Variants in EHBP1 observed in about 807,000 individuals in gnomAD.
The protein encoded by EHBP1 is EH domain binding protein 1, also known as EH domain-binding protein 1.
EHBP1 carries 55 observed loss-of-function variants against 144.0 expected under a neutral mutation model. That is an observed-to-expected ratio of 0.38 (90% CI 0.31 to 0.48). The LOEUF (loss-of-function observed/expected upper bound fraction) is 0.48, where lower values mean the gene tolerates loss of function less well. EHBP1 is among the 20% of genes least tolerant of loss of function. EHBP1 has a pLI of 0.98. For synonymous variants in EHBP1, 469 were observed against 472.7 expected (o/e 0.99, Z 0.10); for missense variants, 1,200 against 1,364.2 (o/e 0.88, Z 1.90).
chr2:62,958,888 C>A (rs1390433302), intron 14 of EHBP1, among the ~76,000 whole-genome samples: 2 of 152,090 alleles, frequency 1.3e-5, no homozygotes, highest in African/African-American at 4.8e-5. Flanking sequence ...ATTTTTTAAA[C>A]ATTTTATTGT....
chr2:62,790,243 A>G (rs550354307), intron 5 of EHBP1, among the ~76,000 whole-genome samples: 1 of 152,316 alleles, frequency 6.6e-6, no homozygotes, highest in African/African-American at 2.4e-5. Context: ...TCAGGTTGCT[A>G]AAAACGTCAA....
intron 2 of EHBP1, among the ~76,000 whole-genome samples, chr2:62,716,709 T>C (rs1437276369): frequency 6.6e-6 from 1 of 152,234 alleles, no homozygotes; most frequent in Admixed American, 6.5e-5. Context: ...CAGCCATCTT[T>C]ATTCCTGCGA....
chr2:62,731,787 A>G (rs537416091), intron 2 of EHBP1, among the ~76,000 whole-genome samples: 6 of 152,306 alleles, frequency 3.9e-5, no homozygotes, highest in East Asian at 1.9e-4. Context: ...ATCATGTTGT[A>G]TAATTCTTTT....
chr2:63,001,842 T>G (rs2059863614), intron 19 of EHBP1, among the ~76,000 whole-genome samples: 1 of 152,136 alleles, frequency 6.6e-6, no homozygotes, highest in Non-Finnish European at 1.5e-5. Flanking sequence ...TTCTTAGAGG[T>G]GAACTTCTGA....
chr2:62,818,904 T>G (rs1022110), intron 5 of EHBP1, among the ~76,000 whole-genome samples: 46,180 of 152,140 alleles, frequency 0.3, 7,946 homozygotes, highest in Middle Eastern at 0.49. Flanking sequence ...TATTGTACTT[T>G]AGTAAATTTG....
chr2:62,743,683 G>C (rs1451954802), intron 2 of EHBP1, among the ~76,000 whole-genome samples: 1 of 152,104 alleles, frequency 6.6e-6, no homozygotes, highest in Non-Finnish European at 1.5e-5. Context: ...AAAGAGTAAA[G>C]GAGTTAAAAT....
chr2:62,678,253 C>T (rs973258645), intron 1 of EHBP1, among the ~76,000 whole-genome samples: 2 of 152,174 alleles, frequency 1.3e-5, no homozygotes, highest in African/African-American at 4.8e-5. Context: ...AAAATTTTTT[C>T]ATATACCTGT....
Position 62,859,075 on chromosome 2 carries a change from A to C in EHBP1, c.635-94A>C, listed in dbSNP as rs1469872685. The C allele has an allele frequency of 3.3e-6, 4 of 1,218,692 alleles. No homozygotes were observed. The African/African-American group carries it at 6.0e-5, about 18-fold the overall frequency. The allele number at this position is 1,218,692 out of a possible 1,614,324, so 75.5% of individuals were successfully genotyped here. ...CTATATACTATTATTTGCAGGTATT[A>C]TTCGTGTGAACTTTTACCATTTGAA... On this transcript the variant is annotated intron_variant, in intron 7 of 22. Coordinates refer to ENST00000431489, the MANE Select transcript of EHBP1 (RefSeq NM_001142616.3).
chr2:63,030,645 A>G (rs962501923), intron 19 of EHBP1, among the ~76,000 whole-genome samples: 15 of 148,340 alleles, frequency 1.0e-4, no homozygotes, highest in East Asian at 2.0e-4. Context: ...CCACCACCAC[A>G]CCCAGCTAAT....
intron 19 of EHBP1, among the ~76,000 whole-genome samples, chr2:63,019,064 A>C (rs1425381020): frequency 6.6e-6 from 1 of 152,180 alleles, no homozygotes; most frequent in Non-Finnish European, 1.5e-5. Flanking sequence ...AATCTCAGTG[A>C]CTTCTTTGTG....
At chr2:62,857,934 A>G (rs1376961619) in intron 7 of EHBP1, among the ~76,000 whole-genome samples, 4 of 152,064 alleles carry the variant, frequency 2.6e-5, no homozygotes, top group Admixed American at 2.0e-4. Context: ...TTAAAATGCA[A>G]CATGAATACA....
rs57403564 is a variant in EHBP1, at chr2:62,894,927, AAGAG to A, written c.1185+20421_1185+20424del. ...CAAGACCCTAGCAAAAACAGAAAGA[AAGAG>A]AGAGAGAGAGAGAGAGAGAGAGAGA... is the stretch of plus-strand genomic sequence containing the variant. On this transcript the variant is annotated intron_variant, in intron 10 of 22. Transcript: ENST00000431489. Among the ~76,000 whole-genome samples the A allele has an allele frequency of 3.4e-3, 481 of 141,218 alleles. 8 individuals carry two copies. The highest frequency in any genetic ancestry group is 0.024 in the Admixed American group (344 of 14,044). 92.6% of individuals were successfully genotyped at this position (141,218 alleles called of 152,430 possible). A position where few individuals can be genotyped will look rare whatever the true frequency, so the allele number is the denominator to read the frequency against.
At chr2:62,806,742 G>GT (rs1214393481) in intron 5 of EHBP1, among the ~76,000 whole-genome samples, 2 of 150,686 alleles carry the variant, frequency 1.3e-5, no homozygotes, top group Non-Finnish European at 3.0e-5. Context: ...TTTAATTTTA[G>GT]TTTTTTTAGT....
At chr2:62,735,571 A>T (rs993663861) in intron 2 of EHBP1, among the ~76,000 whole-genome samples, 1 of 152,186 alleles carries the variant, frequency 6.6e-6, no homozygotes, top group Non-Finnish European at 1.5e-5. Context: ...TCAATTAGGT[A>T]TGAGACAAAT....
intron 10 of EHBP1, among the ~76,000 whole-genome samples, chr2:62,919,801 G>A (rs2054920260): frequency 6.6e-6 from 1 of 151,724 alleles, no homozygotes; most frequent in Non-Finnish European, 1.5e-5. Context: ...GAACCAAATG[G>A]AAATATTAAT....
intron 10 of EHBP1, among the ~76,000 whole-genome samples, chr2:62,934,080 T>C (rs1221351127): frequency 6.6e-6 from 1 of 152,230 alleles, no homozygotes; most frequent in African/African-American, 2.4e-5. Flanking sequence ...CATGCATTTC[T>C]ATAGGATATA....
chr2:62,835,531 G>GCGTGAGCGACGCAGAAGA (rs2047147299), intron 7 of EHBP1, among the ~76,000 whole-genome samples: 1 of 152,224 alleles, frequency 6.6e-6, no homozygotes, highest in Non-Finnish European at 1.5e-5. Flanking sequence ...ACAGCTCCCA[G>GCGTGAGCGACGCAGAAGA]CGTGAGCGAC....
rs397936534 is a variant in EHBP1, at chr2:62,683,658, CAAAAAAAAAAAAAA to C, written c.-296+9586_-296+9599del. Among the ~76,000 whole-genome samples, 6 of 50,138 alleles carry C rather than the reference CAAAAAAAAAAAAAA, an allele frequency of 1.2e-4. No homozygotes were observed. In the South Asian group the frequency reaches 4.4e-3, roughly 37 times the overall value. The allele number at this position is 50,138 out of a possible 152,430, so 32.9% of individuals were successfully genotyped here. On this transcript the variant is annotated intron_variant, in intron 1 of 22. Coordinates refer to the EHBP1 transcript ENST00000405015. Reference sequence around the variant, plus strand: ...TGGGCGAAAGAGCGAGACTCCATCTCAAAAAAAAAAAAAAAAAAAAAAAAGATGAGTAAGTAAGG... The same window carrying C: ...TGGGCGAAAGAGCGAGACTCCATCTCAAAAAAAAAAGATGAGTAAGTAAGG...
intron 9 of EHBP1, chr2:62,872,160 T>A (rs960484765): frequency 6.6e-6 from 1 of 152,140 alleles, no homozygotes; most frequent in Non-Finnish European, 1.5e-5. Flanking sequence ...TTTAAATTAA[T>A]CCTGAACCAA....
Sources: gnomAD v4.1 joint callset for allele counts (sites outside exome capture counted in the v4.1 genomes callset) on GRCh38, gnomAD v4.1.1 for gene constraint, MANE v1.5 for transcripts, NCBI Gene and HGNC (gene_info 2026-07-23, HGNC 2026-07-21) for gene names.